PLCE1: variants seen among roughly 807,000 people sequenced by gnomAD.
PLCE1 encodes the protein phospholipase C epsilon 1, also known as 1-phosphatidylinositol 4,5-bisphosphate phosphodiesterase epsilon-1.
In PLCE1, 119 loss-of-function variants were observed where a neutral mutation model predicts 242.8. That is an observed-to-expected ratio of 0.49 (90% CI 0.42 to 0.57). PLCE1 has a LOEUF of 0.57. PLCE1 is among the 20% of genes least tolerant of loss of function. PLCE1 has a pLI of 0.00. For missense variants in PLCE1, 2,441 were observed against 2,788.8 expected (o/e 0.88, Z 2.81); for synonymous variants, 945 against 1,017.4 (o/e 0.93, Z 1.35).
intron 1 of PLCE1, among the ~76,000 whole-genome samples, chr10:94,015,342 A>G (rs2061257889): frequency 6.6e-6 from 1 of 152,140 alleles, no homozygotes; most frequent in African/African-American, 2.4e-5. Flanking sequence ...TCAGGATAGA[A>G]AAAAAAATGC....
chr10:94,140,074 T>G (rs2046905862), intron 3 of PLCE1, among the ~76,000 whole-genome samples: 2 of 151,954 alleles, frequency 1.3e-5, no homozygotes, highest in African/African-American at 4.8e-5. Flanking sequence ...AATAATACAT[T>G]ATGTATTAGA....
At chr10:94,262,271 G>A (rs557283280) in intron 13 of PLCE1, among the ~76,000 whole-genome samples, 2 of 152,192 alleles carry the variant, frequency 1.3e-5, no homozygotes, top group East Asian at 3.9e-4. Context: ...AAAGTGCTAG[G>A]ATTACAGTCA....
At chr10:94,219,881 G>C (rs1386920829) in intron 4 of PLCE1, among the ~76,000 whole-genome samples, 1 of 152,066 alleles carries the variant, frequency 6.6e-6, no homozygotes, top group Non-Finnish European at 1.5e-5. Context: ...GATGTAGTTT[G>C]GGGGTAAGGG....
At chr10:93,999,744 GC>G (rs1643232131) in intron 1 of PLCE1, among the ~76,000 whole-genome samples, 1 of 98,452 alleles carries the variant, frequency 1.0e-5, no homozygotes. Context: ...CGCCCTGTTG[GC>G]TCTGCTCCCG....
intron 3 of PLCE1, among the ~76,000 whole-genome samples, chr10:94,161,268 A>T (rs1309856909): frequency 6.6e-6 from 1 of 152,120 alleles, no homozygotes; most frequent in Non-Finnish European, 1.5e-5. Flanking sequence ...CATTTTCACG[A>T]TATTGATTCT....
Position 94,272,860 on chromosome 10 carries a change from C to T in PLCE1, c.4507-702C>T, listed in dbSNP as rs935420000. Among the ~76,000 whole-genome samples the T allele has an allele frequency of 1.7e-4, 26 of 152,198 alleles. 1 individual carries two copies. The highest frequency in any genetic ancestry group is 1.5e-3 in the Admixed American group (23 of 15,280). On this transcript the variant is annotated intron_variant, in intron 18 of 32. Coordinates refer to ENST00000371380, the MANE Select transcript of PLCE1 (RefSeq NM_016341.4). ...TATTAATGCCAACAAAACTAATTAA[C>T]TTTTCATATTGTCCTGGCCTAAGCT...
chr10:94,059,682 T>C (rs1040278797), intron 2 of PLCE1, among the ~76,000 whole-genome samples: 1 of 152,210 alleles, frequency 6.6e-6, no homozygotes, highest in Non-Finnish European at 1.5e-5. Context: ...TGTTACATGC[T>C]AATCTTATTT....
At chr10:94,319,799 G>A (rs1270480312) in intron 29 of PLCE1, among the ~76,000 whole-genome samples, 1 of 151,166 alleles carries the variant, frequency 6.6e-6, no homozygotes, top group East Asian at 1.9e-4. Flanking sequence ...TTCATAACCT[G>A]TGGCTTCGAA....
At chr10:94,250,372 C>T (rs895211543) in intron 8 of PLCE1, among the ~76,000 whole-genome samples, 5 of 151,636 alleles carry the variant, frequency 3.3e-5, no homozygotes, top group African/African-American at 4.8e-5. Context: ...TGTGGTGGTA[C>T]GCACCTGTAA....
intron 2 of PLCE1, among the ~76,000 whole-genome samples, chr10:94,072,801 A>C (rs1385022027): frequency 6.6e-6 from 1 of 152,190 alleles, no homozygotes; most frequent in Non-Finnish European, 1.5e-5. Flanking sequence ...AGAGGGTTAG[A>C]TGAGTCTGAC....
intron 1 of PLCE1, among the ~76,000 whole-genome samples, chr10:94,022,784 T>A (rs1340802609): frequency 2.0e-5 from 3 of 152,050 alleles, no homozygotes; most frequent in Non-Finnish European, 4.4e-5. Flanking sequence ...TTATATGGAA[T>A]GGATTGAAAC....
intron 2 of PLCE1, among the ~76,000 whole-genome samples, chr10:94,125,708 T>G (rs1211053509): frequency 6.6e-6 from 1 of 152,178 alleles, no homozygotes. Flanking sequence ...GTAACACACT[T>G]TCTTCCTGTT....
At chr10:94,011,808 A>C (rs1221788639) in intron 1 of PLCE1, among the ~76,000 whole-genome samples, 2 of 152,076 alleles carry the variant, frequency 1.3e-5, no homozygotes, top group Non-Finnish European at 2.9e-5. Context: ...GCTCCAGTGT[A>C]AAACAGAGAA....
chr10:94,302,184 G>A (rs1414027772), intron 24 of PLCE1, among the ~76,000 whole-genome samples: 6 of 152,116 alleles, frequency 3.9e-5, no homozygotes, highest in Admixed American at 3.9e-4. Context: ...CAAACCGTGC[G>A]GCTCTACGTG....
chr10:94,153,921 T>G (rs1358718079), intron 3 of PLCE1, among the ~76,000 whole-genome samples: 1 of 152,206 alleles, frequency 6.6e-6, no homozygotes, highest in Non-Finnish European at 1.5e-5. Flanking sequence ...AAATGGAAGA[T>G]TTAGCATTGT....
chr10:94,114,476 C>A (rs368838909), intron 2 of PLCE1, among the ~76,000 whole-genome samples: 1 of 152,198 alleles, frequency 6.6e-6, no homozygotes, highest in Admixed American at 6.5e-5. Flanking sequence ...TTCCCCTTGA[C>A]CTTTCCACGT....
At chr10:94,062,282 G>T (rs974105117) in intron 2 of PLCE1, among the ~76,000 whole-genome samples, 1 of 151,368 alleles carries the variant, frequency 6.6e-6, no homozygotes, top group African/African-American at 2.4e-5. Context: ...CTTCCTTCTT[G>T]TTTTTTTTCA....
At chr10:94,216,858 C>T (rs868667163) in intron 4 of PLCE1, among the ~76,000 whole-genome samples, 10 of 151,866 alleles carry the variant, frequency 6.6e-5, no homozygotes, top group Middle Eastern at 3.4e-3. Flanking sequence ...AGCTAAGCTC[C>T]GCACAGTGTT....
At chr10:94,287,491 T>C (rs923600245) in intron 22 of PLCE1, 1 of 149,224 alleles carries the variant, frequency 6.7e-6, no homozygotes, top group African/African-American at 2.5e-5. Context: ...AAACCCTTCA[T>C]TGCAATGAGG....
Sources: gnomAD v4.1 joint callset for allele counts (sites outside exome capture counted in the v4.1 genomes callset) on GRCh38, gnomAD v4.1.1 for gene constraint, MANE v1.5 for transcripts, NCBI Gene and HGNC (gene_info 2026-07-23, HGNC 2026-07-21) for gene names.